The following ESYT3 variants were observed in gnomAD, a reference collection of about 807,000 sequenced individuals.
ESYT3 encodes the protein extended synaptotagmin-3.
ESYT3 carries 101 observed loss-of-function variants against 111.5 expected under a neutral mutation model. That is an observed-to-expected ratio of 0.91 (90% confidence interval 0.77 to 1.07). The LOEUF is 1.07. Ranked by LOEUF, ESYT3 falls within the 50% of genes least tolerant of loss-of-function variation. The probability of loss-of-function intolerance (pLI) is 0.00; values close to 1 mark genes in which losing one functional copy is unlikely to be tolerated. For missense variants in ESYT3, 1,097 were observed against 1,109.4 expected, an observed-to-expected ratio of 0.99 and a Z score of 0.16; for synonymous variants, 416 against 446.8, an observed-to-expected ratio of 0.93 and a Z score of 0.87.
chr3:138,469,154 C>T (rs2033089883), intron 14 of ESYT3: 3 of 595,114 alleles, frequency 5.0e-6, no homozygotes, highest in Non-Finnish European at 6.0e-6. Context: ...CCAGATTCCA[C>T]ACTGTTTTCA....
Position 138,476,942 on chromosome 3 carries a change from G to A in ESYT3, c.*88G>A. The A allele has an allele frequency of 2.0e-6, 2 of 1,001,198 alleles. No homozygotes were observed. Among genetic ancestry groups the A allele is most frequent in the Non-Finnish European group, 1.5e-6 (1 of 683,586 alleles). 62.0% of individuals were successfully genotyped at this position (1,001,198 alleles called of 1,614,324 possible). ...TTTGGATCACTTACATCCAATATATGTATATTTTGTCATTTAAATCAGAAC... is the reference window on the plus strand; with the variant it reads ...TTTGGATCACTTACATCCAATATATATATATTTTGTCATTTAAATCAGAAC... On this transcript the variant is annotated 3_prime_UTR_variant, in exon 23 of 23. Transcript: ENST00000389567.
intron 1 of ESYT3, among the ~76,000 whole-genome samples, chr3:138,446,209 C>T (rs536184062): frequency 9.4e-4 from 143 of 152,304 alleles, no homozygotes; most frequent in Non-Finnish European, 1.2e-3. Flanking sequence ...AAATCCCAGA[C>T]TTTGTAAAAG....
At chr3:138,468,285 G>C (rs2033037012) in intron 12 of ESYT3, 91 bp downstream of exon 12, 2 of 1,213,196 alleles carry the variant, frequency 1.6e-6, no homozygotes, top group African/African-American at 3.0e-5. Flanking sequence ...GGGAGATGAT[G>C]CCCCCTTCTT....
chr3:138,460,699 T>C (rs1416042054), intron 7 of ESYT3, 33 bp downstream of exon 7: 1 of 1,612,104 alleles, frequency 6.2e-7, no homozygotes, highest in Non-Finnish European at 8.5e-7. Context: ...AGGGAGATCA[T>C]AAGTTTGGGG....
Position 138,435,008 on chromosome 3 carries a change from G to A in ESYT3, c.210G>A (p.Met70Ile). Residue 70 changes from methionine (M) to isoleucine (I), a missense_variant, in exon 1 of 23, where the codon ATG (methionine) becomes ATA (isoleucine). Coordinates refer to ENST00000389567, the MANE Select transcript of ESYT3 (RefSeq NM_031913.5). The surrounding 1 kb of genome is among the most constrained non-coding windows in gnomAD (Gnocchi z 4.8). The part of the protein sequence containing the change: ...TWLLLGALLW[M>I]WWRRNRRGKL... ...TGCTGCTCGGCGCCCTGCTGTGGATGTGGTGGCGCAGGAACCGCCGCGGGA... is the reference window on the plus strand; with the variant it reads ...TGCTGCTCGGCGCCCTGCTGTGGATATGGTGGCGCAGGAACCGCCGCGGGA... 1.9e-6 allele frequency: 3 copies of A among 1,571,140 alleles called. No homozygotes were observed. The highest frequency in any genetic ancestry group is 1.3e-5 in the African/African-American group (1 of 74,634).
intron 22 of ESYT3, 151 bp from the exon 23 acceptor site, chr3:138,476,667 G>A: frequency 9.7e-7 from 1 of 1,035,684 alleles, no homozygotes; most frequent in Non-Finnish European, 1.5e-6. Context: ...GTAAACTCTA[G>A]CCTTAACCCT....
At chr3:138,467,767 T>C (rs912975540) in intron 11 of ESYT3, among the ~76,000 whole-genome samples, 158 bp downstream of exon 11, 14 of 152,216 alleles carry the variant, frequency 9.2e-5, no homozygotes, top group Non-Finnish European at 1.8e-4. Context: ...CACAGATGGC[T>C]CCAGGGTATT....
chr3:138,451,262 T>G (rs2031906372), intron 1 of ESYT3, among the ~76,000 whole-genome samples: 1 of 152,132 alleles, frequency 6.6e-6, no homozygotes. Context: ...GGAAGCTATG[T>G]GACTATAGGA....
intron 2 of ESYT3, among the ~76,000 whole-genome samples, chr3:138,454,258 C>T (rs931184216): frequency 2.0e-5 from 3 of 150,008 alleles, no homozygotes; most frequent in African/African-American, 7.4e-5. Context: ...AAAAAGAAGG[C>T]CAGGTGCTGT....
At chr3:138,443,756 G>GTGTGACT (rs1553810678) in intron 1 of ESYT3, among the ~76,000 whole-genome samples, 1 of 151,366 alleles carries the variant, frequency 6.6e-6, no homozygotes, top group African/African-American at 2.4e-5. Context: ...GTGTGTGTGT[G>GTGTGACT]ACATGGCTGC....
chr3:138,438,603 T>G (rs2030905869), intron 1 of ESYT3, among the ~76,000 whole-genome samples: 2 of 152,162 alleles, frequency 1.3e-5, no homozygotes, highest in Admixed American at 1.3e-4. Context: ...AGACTCCTTC[T>G]CAACATTTTG....
At chr3:138,474,439 T>C in intron 20 of ESYT3, 87 bp downstream of exon 20, 1 of 1,432,972 alleles carries the variant, frequency 7.0e-7, no homozygotes, top group African/African-American at 1.4e-5. Flanking sequence ...GCCTGCCAGA[T>C]GCTGGAAGGG....
Position 138,468,648 on chromosome 3 carries a change from T to C in ESYT3, c.1309-7T>C. Reference sequence around the variant, plus strand: ...AGTACCCAGTGAGGGTCTGTGTCTGTTTGCAGGACCATGGTGGCCTTTCCA... The same window carrying C: ...AGTACCCAGTGAGGGTCTGTGTCTGCTTGCAGGACCATGGTGGCCTTTCCA... On this transcript the variant is annotated splice_region_variant and splice_polypyrimidine_tract_variant and intron_variant, in intron 12 of 22. Coordinates refer to ENST00000389567, the MANE Select transcript of ESYT3 (RefSeq NM_031913.5). 6.2e-7 allele frequency: 1 copy of C among 1,614,130 alleles called. No homozygotes were observed. The highest frequency in any genetic ancestry group is 8.5e-7 in the Non-Finnish European group (1 of 1,180,012).
At position 138,476,905 on chromosome 3, in the gene ESYT3, T is replaced by C. The variant is rs1404552752; in HGVS notation, c.*51T>C. On this transcript the variant is annotated 3_prime_UTR_variant, in exon 23 of 23. Transcript: ENST00000389567. Reference sequence around the variant, plus strand: ...TTATATTAAAATGTATATATATGTATATATTTTTTCCTTTGGATCACTTAC... The same window carrying C: ...TTATATTAAAATGTATATATATGTACATATTTTTTCCTTTGGATCACTTAC... 4 of 1,485,804 alleles carry C rather than the reference T, an allele frequency of 2.7e-6. No homozygotes were observed. The Admixed American group carries it at 5.7e-5, about 21-fold the overall frequency. The allele number at this position is 1,485,804 out of a possible 1,614,324, so 92.0% of individuals were successfully genotyped here.
intron 16 of ESYT3, chr3:138,470,565 G>C: frequency 8.6e-7 from 1 of 1,163,814 alleles, no homozygotes; most frequent in Non-Finnish European, 1.1e-6. Flanking sequence ...GTGGAGCTGG[G>C]ATCTTTTAGG....
At chr3:138,473,470 T>G in intron 18 of ESYT3, 66 bp from the exon 19 acceptor site, 4 of 1,382,414 alleles carry the variant, frequency 2.9e-6, no homozygotes, top group Admixed American at 1.7e-5. Context: ...TTCTTTGTCT[T>G]TGGGGGTGGC....
chr3:138,443,736 C>CTGTGTGTG (rs11268903), intron 1 of ESYT3, among the ~76,000 whole-genome samples: 2,382 of 147,950 alleles, frequency 0.016, 34 homozygotes, highest in East Asian at 0.051. Context: ...GTTTGTGCAT[C>CTGTGTGTG]TGTGTGTGTG....
chr3:138,446,864 AAAACAAAC>A (rs59182962), intron 1 of ESYT3, among the ~76,000 whole-genome samples: 15 of 152,074 alleles, frequency 9.9e-5, no homozygotes, highest in African/African-American at 3.4e-4. Context: ...CGTCTCTACC[AAAACAAAC>A]AAACAAACAA....
In ESYT3 at chr3:138,474,221, A is replaced by G; in HGVS notation, c.2337A>G (p.Arg779=). 1 of 1,610,648 alleles carries G rather than the reference A, an allele frequency of 6.2e-7. No homozygotes were observed. The highest frequency in any genetic ancestry group is 8.5e-7 in the Non-Finnish European group (1 of 1,179,140). The change falls in exon 20 of 23, where the codon AGA becomes AGG. Residue 779 remains arginine (R), a splice_region_variant and synonymous_variant. Transcript: ENST00000389567. The stretch of plus-strand genomic sequence containing the variant: ...CCTAATGTCTTTGACACCAAATCAG[A>G]AACCTAACACCATGTACCAGCAGTG... ...RCLSVLINGC[R]NLTPCTSSGA...
Sources: gnomAD v4.1 joint callset for allele counts (sites outside exome capture counted in the v4.1 genomes callset) on GRCh38, gnomAD v4.1.1 for gene constraint, Gnocchi (gnomAD v3.1) non-coding constraint, MANE v1.5 for transcripts, NCBI Gene and HGNC (gene_info 2026-07-23, HGNC 2026-07-21) for gene names.